The following PCDHGA3 variants were observed in gnomAD, a reference collection of about 807,000 sequenced individuals.
PCDHGA3 encodes the protein protocadherin gamma-A3.
A neutral mutation model predicts 58.5 loss-of-function variants in PCDHGA3; 40 were observed. The observed-to-expected ratio is 0.68, with a 90% CI of 0.53 to 0.89. The LOEUF (loss-of-function observed/expected upper bound fraction) is 0.89, where lower values mean the gene tolerates loss of function less well. Ranked by LOEUF, PCDHGA3 falls within the 40% of genes least tolerant of loss-of-function variation. The pLI, the probability that PCDHGA3 is intolerant of heterozygous loss-of-function variation, is 0.00. For missense variants in PCDHGA3, 1,223 were observed against 1,195.9 expected, an observed-to-expected ratio of 1.02 and a Z score of -0.33; for synonymous variants, 530 against 525.7, an observed-to-expected ratio of 1.01 and a Z score of -0.11.
chr5:141,370,811 G>A (rs367716692), intron 1 of PCDHGA3: 14 of 1,613,898 alleles, frequency 8.7e-6, no homozygotes, highest in Non-Finnish European at 1.2e-5. Context: ...ATATCACTGA[G>A]CTGGAAATCA....
intron 1 of PCDHGA3, chr5:141,478,026 C>G: frequency 6.2e-7 from 1 of 1,614,180 alleles, no homozygotes; most frequent in Non-Finnish European, 8.5e-7. Flanking sequence ...GTCCAAGACA[C>G]AGATTCACCC....
chr5:141,423,288 C>T, intron 1 of PCDHGA3: 1 of 1,586,414 alleles, frequency 6.3e-7, no homozygotes, highest in African/African-American at 1.3e-5. Context: ...ACTCTGAAAC[C>T]TCAGACCTCT....
At chr5:141,386,203 G>A (rs2090496623) in intron 1 of PCDHGA3, among the ~76,000 whole-genome samples, 1 of 152,140 alleles carries the variant, frequency 6.6e-6, no homozygotes, top group Non-Finnish European at 1.5e-5. Flanking sequence ...TAGACCAGTA[G>A]TTGATTTTAT....
chr5:141,422,969 G>C (rs1269760845), intron 1 of PCDHGA3: 2 of 1,614,202 alleles, frequency 1.2e-6, no homozygotes, highest in South Asian at 2.2e-5. Flanking sequence ...CTGGCGCCCC[G>C]CTCTGCGGAA....
intron 1 of PCDHGA3, chr5:141,419,345 C>T (rs111954647): frequency 6.2e-6 from 10 of 1,613,858 alleles, no homozygotes; most frequent in African/African-American, 2.7e-5. Flanking sequence ...TGCCAGCGAC[C>T]TGGAGTCACG....
intron 1 of PCDHGA3, chr5:141,356,464 G>A: frequency 6.2e-7 from 1 of 1,613,704 alleles, no homozygotes; most frequent in Non-Finnish European, 8.5e-7. Context: ...TAACATCACT[G>A]TAACTGCCAC....
At chr5:141,375,022 T>G in intron 1 of PCDHGA3, 1 of 1,613,828 alleles carries the variant, frequency 6.2e-7, no homozygotes, top group Admixed American at 1.7e-5. Flanking sequence ...AGGACTCGAG[T>G]TTTTATGAGC....
At chr5:141,505,348 G>A (rs1414647950) in intron 2 of PCDHGA3, 45 bp from the exon 3 acceptor site, 1 of 1,613,358 alleles carries the variant, frequency 6.2e-7, no homozygotes, top group Admixed American at 1.7e-5. Context: ...GGCATGAGCT[G>A]TGCCGGCCTG....
rs758216080 is a variant in PCDHGA3, at chr5:141,398,809, C to A, written c.2424+52352C>A. 1.3e-5 allele frequency: 21 copies of A among 1,613,854 alleles called. No individual in the cohort carries two copies. In the South Asian group the frequency reaches 2.1e-4, roughly 16 times the overall value. On this transcript the variant is annotated intron_variant, in intron 1 of 3. Coordinates refer to ENST00000253812, the MANE Select transcript of PCDHGA3 (RefSeq NM_018916.4). ...TCCACCCCTAAGCGGCACCACTGAG[C>A]TCCGGATCCAGGTAACCGACGCCAA...
At chr5:141,389,537 C>T in intron 1 of PCDHGA3, 2 of 1,613,216 alleles carry the variant, frequency 1.2e-6, no homozygotes, top group Non-Finnish European at 8.5e-7. Context: ...TGTTAGTGGA[C>T]GACCGCAACG....
chr5:141,439,673 C>G (rs1468476569), intron 1 of PCDHGA3, among the ~76,000 whole-genome samples: 1 of 152,174 alleles, frequency 6.6e-6, no homozygotes, highest in Non-Finnish European at 1.5e-5. Flanking sequence ...AATGCAAATC[C>G]AAGAGCAGAC....
At chr5:141,360,144 G>C (rs1761438795) in intron 1 of PCDHGA3, 1 of 1,596,030 alleles carries the variant, frequency 6.3e-7, no homozygotes, top group African/African-American at 1.3e-5. Context: ...AGATGAAAGC[G>C]AGCTCAGGGA....
chr5:141,504,949 G>A (rs1234166109), intron 2 of PCDHGA3, among the ~76,000 whole-genome samples: 5 of 152,098 alleles, frequency 3.3e-5, no homozygotes, highest in Non-Finnish European at 1.5e-5. Context: ...AATGCACTAT[G>A]TTCAATGCAT....
rs1213998742 is a variant in PCDHGA3, at chr5:141,357,158, C to T, written c.2424+10701C>T. ...GTCGTCCAGGACCATGGCCAGCCCC[C>T]TCTCTCGGCCACCGTCACACTCACT... is the stretch of plus-strand genomic sequence containing the variant. On this transcript the variant is annotated intron_variant, in intron 1 of 3. Coordinates refer to ENST00000253812, the MANE Select transcript of PCDHGA3 (RefSeq NM_018916.4). The T allele has an allele frequency of 1.6e-5, 26 of 1,613,554 alleles. No individual in the cohort carries two copies. Among genetic ancestry groups the T allele is most frequent in the African/African-American group, 4.0e-5 (3 of 74,958 alleles).
chr5:141,384,139 A>G (rs1561600498), intron 1 of PCDHGA3: 1 of 1,612,786 alleles, frequency 6.2e-7, no homozygotes. Context: ...GGACCGGGAA[A>G]CACTCTCTTT....
At chr5:141,403,708 T>C (rs1265644591) in intron 1 of PCDHGA3, 2 of 1,613,906 alleles carry the variant, frequency 1.2e-6, no homozygotes, top group South Asian at 1.1e-5. Flanking sequence ...TTAAAGTCCT[T>C]GAGAACGTGC....
intron 1 of PCDHGA3, chr5:141,394,386 A>T (rs765454423): frequency 1.2e-6 from 2 of 1,614,210 alleles, no homozygotes; most frequent in South Asian, 1.1e-5. Context: ...CTATGAGCAG[A>T]TCCGAGACCT....
rs1487270083 is a variant in PCDHGA3, at chr5:141,402,944, G to T, written c.2424+56487G>T. ...GATCCTTTTGAGAAAATTCCAAAGC[G>T]AGGCAGCAATGGCAGCTCCAACCAA... is the stretch of plus-strand genomic sequence containing the variant. On this transcript the variant is annotated intron_variant, in intron 1 of 3. Transcript: ENST00000253812. The T allele has an allele frequency of 3.8e-6, 6 of 1,592,018 alleles. No individual in the cohort carries two copies. The African/African-American group carries it at 8.1e-5, about 22-fold the overall frequency.
At chr5:141,371,048 C>A in intron 1 of PCDHGA3, 2 of 1,613,890 alleles carry the variant, frequency 1.2e-6, no homozygotes, top group Non-Finnish European at 1.7e-6. Flanking sequence ...TGGATGGGGG[C>A]GAGCCCTCCA....
Sources: gnomAD v4.1 joint callset for allele counts (sites outside exome capture counted in the v4.1 genomes callset) on GRCh38, gnomAD v4.1.1 for gene constraint, MANE v1.5 for transcripts, NCBI Gene and HGNC (gene_info 2026-07-23, HGNC 2026-07-21) for gene names.